Variants in MAML2 observed in about 807,000 individuals in gnomAD.
MAML2 encodes the protein mastermind like transcriptional coactivator 2, also known as mastermind-like protein 2.
A neutral mutation model predicts 96.1 loss-of-function variants in MAML2; 22 were observed. That is an observed-to-expected ratio of 0.23 (90% CI 0.16 to 0.33). MAML2 has a LOEUF of 0.33. Ranked by LOEUF, MAML2 falls within the 10% of genes least tolerant of loss-of-function variation. The pLI is 1.00. For synonymous variants in MAML2, 561 were observed against 521.3 expected, an observed-to-expected ratio of 1.08 and a Z score of -1.04; for missense variants, 1,367 against 1,392.4, an observed-to-expected ratio of 0.98 and a Z score of 0.29.
chr11:96,011,508 G>A (rs1237298711), intron 2 of MAML2, among the ~76,000 whole-genome samples: 1 of 152,144 alleles, frequency 6.6e-6, no homozygotes, highest in Non-Finnish European at 1.5e-5. Flanking sequence ...ATAAGTGAGA[G>A]CTAAACATTG....
At position 96,092,305 on chromosome 11, in the gene MAML2, G is replaced by A; in HGVS notation, c.1726C>T (p.Pro576Ser). ...AGGAGAGAAGGCTTGTTCTGGGAAG[G>A]CAAAACAGAAGGCATCTGCTGGTTC... The part of the protein sequence containing the change: ...QANQQMPSVL[P>S]SQNKPSLLHY... Residue 576 changes from proline (P) to serine (S), a missense_variant, in exon 2 of 5, where the codon CCT becomes TCT. Pro to Ser is a moderately conservative substitution (Grantham distance 74, BLOSUM62 -1). Coordinates refer to ENST00000524717, the MANE Select transcript of MAML2 (RefSeq NM_032427.4). The surrounding 1 kb of genome is among the most constrained non-coding windows in gnomAD (Gnocchi z 4.1). 2 of 1,578,720 alleles carry A rather than the reference G, an allele frequency of 1.3e-6. No homozygotes were observed. Among genetic ancestry groups the A allele is most frequent in the South Asian group, 1.2e-5 (1 of 86,588 alleles).
chr11:96,142,505 A>G (rs1207193697), intron 1 of MAML2, among the ~76,000 whole-genome samples: 2 of 152,200 alleles, frequency 1.3e-5, no homozygotes, highest in Non-Finnish European at 2.9e-5. Flanking sequence ...GAGATCTAAG[A>G]TCTCATAACC....
intron 1 of MAML2, among the ~76,000 whole-genome samples, chr11:96,179,353 A>G (rs2135908800): frequency 6.6e-6 from 1 of 152,364 alleles, no homozygotes; most frequent in East Asian, 1.9e-4. Flanking sequence ...AAAGAGAAAA[A>G]TATGACTTCG....
chr11:96,309,402 G>T (rs978750216), intron 1 of MAML2, among the ~76,000 whole-genome samples: 2 of 152,174 alleles, frequency 1.3e-5, no homozygotes, highest in Non-Finnish European at 2.9e-5. Context: ...TACAGCCATG[G>T]AATCTGTACA....
At chr11:96,152,389 G>A (rs895047988) in intron 1 of MAML2, among the ~76,000 whole-genome samples, 4 of 135,318 alleles carry the variant, frequency 3.0e-5, no homozygotes, top group Non-Finnish European at 4.8e-5. Context: ...AAATATAATC[G>A]ACAGAGAAGA....
chr11:96,322,720 G>C (rs1863723549), intron 1 of MAML2, among the ~76,000 whole-genome samples: 1 of 152,132 alleles, frequency 6.6e-6, no homozygotes, highest in Non-Finnish European at 1.5e-5. Context: ...AAAATGCCTA[G>C]ATAGATAACA....
intron 1 of MAML2, among the ~76,000 whole-genome samples, chr11:96,230,854 G>A (rs932847658): frequency 7.2e-5 from 11 of 152,170 alleles, no homozygotes; most frequent in African/African-American, 1.9e-4. Flanking sequence ...CCCAAATAGC[G>A]GTGTTGTAAG....
chr11:95,997,454 A>G (rs954368741), intron 2 of MAML2, among the ~76,000 whole-genome samples: 1 of 152,282 alleles, frequency 6.6e-6, no homozygotes, highest in Admixed American at 6.5e-5. Context: ...ACATGTTTGT[A>G]TTCTTTTTAT....
In MAML2 at chr11:96,092,138, C is replaced by T; in HGVS notation, c.1893G>A (p.Gln631=). ...GTTGGGCTGAAATTGAGCTCTGCTG[C>T]TGTTGCTGTTGTTGAGCTGAAATTG... ...QSSISAQQQQ[Q]QQSSISAQQQ... is the part of the protein sequence containing the mutation. The change falls in exon 2 of 5, where the codon CAG becomes CAA. Residue 631 remains glutamine, a synonymous_variant. Transcript: ENST00000524717. The surrounding 1 kb of genome is among the most constrained non-coding windows in gnomAD (Gnocchi z 4.1). The T allele has an allele frequency of 6.5e-7, 1 of 1,547,074 alleles. No homozygotes were observed. Among genetic ancestry groups the T allele is most frequent in the Non-Finnish European group, 8.7e-7 (1 of 1,145,598 alleles).
intron 1 of MAML2, among the ~76,000 whole-genome samples, chr11:96,285,874 T>G (rs878956285): frequency 6.6e-6 from 1 of 152,108 alleles, no homozygotes. Flanking sequence ...ATGCTGTTGG[T>G]GAGAATGTAA....
At chr11:96,336,083 A>G (rs1364056979) in intron 1 of MAML2, among the ~76,000 whole-genome samples, 1 of 152,220 alleles carries the variant, frequency 6.6e-6, no homozygotes, top group African/African-American at 2.4e-5. Context: ...TATTTTGCAG[A>G]TGAAAATACT....
intron 2 of MAML2, among the ~76,000 whole-genome samples, chr11:95,995,335 G>A (rs564737969): frequency 6.6e-6 from 1 of 152,228 alleles, no homozygotes; most frequent in African/African-American, 2.4e-5. Flanking sequence ...GTCTTTTGGG[G>A]TGTGCTTCTT....
chr11:96,235,766 A>C (rs879385237), intron 1 of MAML2, among the ~76,000 whole-genome samples: 1 of 152,230 alleles, frequency 6.6e-6, no homozygotes, highest in Admixed American at 6.5e-5. Context: ...TTCTTTTTCA[A>C]TGTAAACCAG....
intron 1 of MAML2, among the ~76,000 whole-genome samples, chr11:96,205,782 A>G (rs2571500): frequency 6.6e-6 from 1 of 152,136 alleles, no homozygotes; most frequent in Non-Finnish European, 1.5e-5. Flanking sequence ...CTTTCCTCTC[A>G]AAGGTCAAAG....
At chr11:96,068,454 A>ACG (rs1349903082) in intron 2 of MAML2, among the ~76,000 whole-genome samples, 42 of 151,026 alleles carry the variant, frequency 2.8e-4, no homozygotes, top group Non-Finnish European at 5.5e-4. Context: ...ACACACACAC[A>ACG]CACACACACA....
chr11:96,204,531 G>T (rs926611838), intron 1 of MAML2, among the ~76,000 whole-genome samples: 2 of 152,194 alleles, frequency 1.3e-5, no homozygotes, highest in East Asian at 3.8e-4. Context: ...TTACCAGTAA[G>T]ATCAGGTTAA....
chr11:96,047,530 A>G (rs1320935108), intron 2 of MAML2, among the ~76,000 whole-genome samples: 2 of 152,192 alleles, frequency 1.3e-5, no homozygotes, highest in Non-Finnish European at 2.9e-5. Context: ...GCATGTAGTA[A>G]GCATCCAAAA....
chr11:96,089,649 T>C (rs908714568), intron 2 of MAML2, among the ~76,000 whole-genome samples: 1 of 152,172 alleles, frequency 6.6e-6, no homozygotes, highest in Non-Finnish European at 1.5e-5. Flanking sequence ...AGGGCAATAC[T>C]TACTTGACTA....
intron 1 of MAML2, among the ~76,000 whole-genome samples, chr11:96,127,203 T>A (rs749944562): frequency 1.3e-5 from 2 of 151,770 alleles, no homozygotes; most frequent in Non-Finnish European, 2.9e-5. Context: ...CACAAGGAAA[T>A]CATGCTAACA....
Sources: gnomAD v4.1 joint callset for allele counts (sites outside exome capture counted in the v4.1 genomes callset) on GRCh38, gnomAD v4.1.1 for gene constraint, Gnocchi (gnomAD v3.1) non-coding constraint, MANE v1.5 for transcripts, NCBI Gene and HGNC (gene_info 2026-07-23, HGNC 2026-07-21) for gene names.